The following ABCB5 variants were observed in gnomAD, a reference collection of about 807,000 sequenced individuals.
ABCB5 encodes ATP binding cassette subfamily B member 5.
ABCB5 carries 155 observed loss-of-function variants against 144.2 expected under a neutral mutation model. The observed-to-expected ratio is 1.08, with a 90% CI of 0.94 to 1.23. ABCB5 has a LOEUF of 1.23. Ranked by LOEUF, ABCB5 falls within the 50% of genes most tolerant of loss-of-function variation. The pLI is 0.00. For missense variants in ABCB5, 1,830 were observed against 1,520.8 expected (o/e 1.20, Z -3.38); for synonymous variants, 610 against 528.6 (o/e 1.15, Z -2.11).
chr7:20,742,593 C>A (rs981655237), intron 24 of ABCB5, among the ~76,000 whole-genome samples: 2 of 152,076 alleles, frequency 1.3e-5, no homozygotes, highest in Non-Finnish European at 1.5e-5. Context: ...CAACCAACTG[C>A]GGAATGGAAC....
intron 5 of ABCB5, among the ~76,000 whole-genome samples, chr7:20,635,266 CTATTAT>C (rs1343816199): frequency 6.6e-6 from 1 of 151,864 alleles, no homozygotes. Flanking sequence ...ATCTATGTGT[CTATTAT>C]TATACCAGTA....
In ABCB5 at chr7:20,743,004, G is replaced by A. The variant is rs1416403509; in HGVS notation, c.3152G>A (p.Ser1051Asn). 1 of 1,614,160 alleles carries A rather than the reference G, an allele frequency of 6.2e-7. No homozygotes were observed. The highest frequency in any genetic ancestry group is 2.2e-5 in the East Asian group (1 of 44,876). The change falls in exon 25 of 28, where the codon AGC (serine) becomes AAC (asparagine). Residue 1051 changes from serine to asparagine, a missense_variant. Coordinates refer to ENST00000404938, the MANE Select transcript of ABCB5 (RefSeq NM_001163941.2). ...ERGKTVAFVGSSGCGKSTSVQ... is the reference protein window; with the variant it reads ...ERGKTVAFVGNSGCGKSTSVQ... ...GGAAAGACAGTAGCATTTGTGGGGA[G>A]CAGCGGCTGTGGGAAAAGCACTTCT...
chr7:20,731,240 T>C (rs1283068266), intron 23 of ABCB5, among the ~76,000 whole-genome samples: 2 of 150,836 alleles, frequency 1.3e-5, no homozygotes, highest in Admixed American at 6.6e-5. Flanking sequence ...TGTAATCCCA[T>C]CTACTTGGGA....
intron 14 of ABCB5, among the ~76,000 whole-genome samples, chr7:20,666,205 A>G (rs1032219740): frequency 6.6e-6 from 1 of 151,558 alleles, no homozygotes; most frequent in Non-Finnish European, 1.5e-5. Context: ...CGATAACAGC[A>G]CTACATCATG....
At chr7:20,679,485 A>AAAAAAAAAG (rs1396302002) in intron 14 of ABCB5, among the ~76,000 whole-genome samples, 143 of 147,440 alleles carry the variant, frequency 9.7e-4, no homozygotes, top group African/African-American at 3.4e-3. Flanking sequence ...AAAAAAAAAA[A>AAAAAAAAAG]AGAGAGAGAG....
chr7:20,659,398 T>A, intron 14 of ABCB5: 11 of 1,197,588 alleles, frequency 9.2e-6, no homozygotes, highest in Non-Finnish European at 1.1e-5. Context: ...TTAAGCGTTT[T>A]TTTTTCTCTA....
At chr7:20,715,002 T>C (rs552758940) in intron 20 of ABCB5, among the ~76,000 whole-genome samples, 2 of 152,292 alleles carry the variant, frequency 1.3e-5, no homozygotes, top group East Asian at 1.9e-4. Flanking sequence ...AAAACTACAA[T>C]GCTCAGCATG....
In ABCB5 at chr7:20,685,710, T is replaced by C; in HGVS notation, c.1884T>C (p.Ala628=). ...CTTCCTGTAAGGATATTAAAAAAGCTGATGAACAGATGGAGTCAATGACAT... is the reference window on the plus strand; with the variant it reads ...CTTCCTGTAAGGATATTAAAAAAGCCGATGAACAGATGGAGTCAATGACAT... The part of the protein sequence containing the change: ...SLVMSQDIKK[A]DEQMESMTYS... The change falls in exon 16 of 28, where the codon GCT becomes GCC. Residue 628 remains alanine (A), a synonymous_variant. Coordinates refer to ENST00000404938, the MANE Select transcript of ABCB5 (RefSeq NM_001163941.2). 1 of 1,609,016 alleles carries C rather than the reference T, an allele frequency of 6.2e-7. No individual in the cohort carries two copies. Among genetic ancestry groups the C allele is most frequent in the Non-Finnish European group, 8.5e-7 (1 of 1,177,668 alleles).
rs182935990 is a variant in ABCB5 at position 20,643,599 on chromosome 7, T to A, written c.645T>A (p.Pro215=). 8.6e-5 allele frequency: 138 copies of A among 1,613,990 alleles called. No individual in the cohort carries two copies. In the African/African-American group the frequency reaches 1.3e-3, roughly 15 times the overall value. ...CCCTAGTGACTCTATCCACGTCTCC[T>A]CTTATAATGGCTTCAGCGGCAGCAT... The part of the protein sequence containing the change: ...KLTLVTLSTS[P]LIMASAAACS... Residue 215 remains proline (P), a synonymous_variant, in exon 7 of 28, where the codon CCT becomes CCA. Coordinates refer to ENST00000404938, the MANE Select transcript of ABCB5 (RefSeq NM_001163941.2).
intron 14 of ABCB5, among the ~76,000 whole-genome samples, chr7:20,676,264 C>T (rs1785604163): frequency 6.7e-6 from 1 of 149,566 alleles, no homozygotes; most frequent in Non-Finnish European, 1.5e-5. Context: ...TTCAAAAGAA[C>T]TGAAGTCAGT....
chr7:20,663,855 A>G (rs111905715), intron 14 of ABCB5, among the ~76,000 whole-genome samples: 9,498 of 151,550 alleles, frequency 0.063, 356 homozygotes, highest in South Asian at 0.13. Context: ...AGCTGGGATT[A>G]CAGGCACACA....
rs1365392310 is a variant in ABCB5, at chr7:20,756,002, A to T, written c.*378A>T. Reference sequence around the variant, plus strand: ...TGAAGGTTTTAGCAAAGGCAGTGTAAGATAGAGTGGGGCCTGTAGCATTGC... The same window carrying T: ...TGAAGGTTTTAGCAAAGGCAGTGTATGATAGAGTGGGGCCTGTAGCATTGC... On this transcript the variant is annotated 3_prime_UTR_variant, in exon 28 of 28. Coordinates refer to ENST00000404938, the MANE Select transcript of ABCB5 (RefSeq NM_001163941.2). The T allele has an allele frequency of 4.2e-6, 1 of 235,344 alleles. No homozygotes were observed. Among genetic ancestry groups the T allele is most frequent in the African/African-American group, 2.3e-5 (1 of 43,584 alleles). 14.6% of individuals were successfully genotyped at this position (235,344 alleles called of 1,614,324 possible).
In ABCB5 at chr7:20,650,190, A is replaced by AT. The variant is rs766645273; in HGVS notation, c.1332+44dup. ...AACCATGCACAGTCCACCTAATGGA[A>AT]TCTGGAAACACCGCAGGGCTGGCAG... On this transcript the variant is annotated intron_variant, in intron 12 of 27. Transcript: ENST00000404938. 1.6e-5 allele frequency: 26 copies of AT among 1,601,348 alleles called. 1 individual carries two copies. The Admixed American group carries it at 1.7e-4, about 10-fold the overall frequency.
chr7:20,679,122 T>C (rs1441198980), intron 14 of ABCB5, among the ~76,000 whole-genome samples: 2 of 152,034 alleles, frequency 1.3e-5, no homozygotes, highest in African/African-American at 4.8e-5. Context: ...AATTGATAAA[T>C]TGGACTTCAT....
intron 2 of ABCB5, 104 bp downstream of exon 2, chr7:20,623,442 G>A (rs1238353378): frequency 7.4e-6 from 7 of 940,708 alleles, no homozygotes; most frequent in Non-Finnish European, 1.1e-5. Context: ...CCCAAAAATA[G>A]CAACACTATT....
chr7:20,681,036 CTTTCTT>C (rs1562559028), intron 14 of ABCB5, among the ~76,000 whole-genome samples: 6,843 of 120,378 alleles, frequency 0.057, 838 homozygotes, highest in African/African-American at 0.11. Flanking sequence ...CTTTCTTTCT[CTTTCTT>C]TCTTTCTCTC....
At chr7:20,639,108 C>T (rs1359132844) in intron 5 of ABCB5, among the ~76,000 whole-genome samples, 2 of 151,482 alleles carry the variant, frequency 1.3e-5, no homozygotes, top group Non-Finnish European at 3.0e-5. Flanking sequence ...TCCCTAGTGA[C>T]TAATGATGAG....
intron 23 of ABCB5, among the ~76,000 whole-genome samples, chr7:20,736,233 T>C (rs1415308745): frequency 3.9e-5 from 6 of 152,180 alleles, no homozygotes; most frequent in Non-Finnish European, 7.3e-5. Context: ...TTGCTGTTTT[T>C]CTTGAGACGG....
intron 23 of ABCB5, among the ~76,000 whole-genome samples, chr7:20,732,607 G>A (rs1187694298): frequency 1.3e-5 from 2 of 152,100 alleles, no homozygotes; most frequent in African/African-American, 4.8e-5. Flanking sequence ...ATGTGCCTTC[G>A]GAGTCACCTT....
Sources: allele counts gnomAD v4.1 joint callset (sites outside exome capture counted in the v4.1 genomes callset), GRCh38; gene constraint gnomAD v4.1.1; transcripts MANE v1.5; gene names NCBI Gene and HGNC (gene_info 2026-07-23, HGNC 2026-07-21).